MAP4K3: variants seen among roughly 807,000 people sequenced by gnomAD.
MAP4K3 encodes mitogen-activated protein kinase kinase kinase kinase 3.
Under a neutral mutation model 143.5 loss-of-function variants are expected in MAP4K3, and 94 were observed. The observed-to-expected ratio is 0.65, with a 90% CI of 0.55 to 0.78. The LOEUF is 0.78. Ranked by LOEUF, MAP4K3 falls within the 30% of genes least tolerant of loss-of-function variation. MAP4K3 has a pLI of 0.00. For missense variants in MAP4K3, 1,077 were observed against 1,068.1 expected (o/e 1.01, Z -0.12); for synonymous variants, 416 against 347.2 (o/e 1.20, Z -2.20).
chr2:39,276,843 G>C (rs1681274832), intron 24 of MAP4K3, among the ~76,000 whole-genome samples: 1 of 152,218 alleles, frequency 6.6e-6, no homozygotes, highest in African/African-American at 2.4e-5. Flanking sequence ...TACTGGGGGA[G>C]AGGAGGAGAG....
At chr2:39,337,384 C>A in intron 5 of MAP4K3, 142 bp downstream of exon 5, 1 of 538,940 alleles carries the variant, frequency 1.9e-6, no homozygotes, top group South Asian at 3.4e-5. Context: ...GTTCATTACA[C>A]AATTTTCAAA....
chr2:39,298,521 G>A (rs1015965791), intron 16 of MAP4K3, among the ~76,000 whole-genome samples: 11 of 151,888 alleles, frequency 7.2e-5, no homozygotes, highest in Admixed American at 7.2e-4. Context: ...TAAACATTTG[G>A]TATTTAGTTT....
chr2:39,374,100 G>A (rs1208058858), intron 2 of MAP4K3, among the ~76,000 whole-genome samples: 3 of 152,260 alleles, frequency 2.0e-5, no homozygotes, highest in East Asian at 3.9e-4. Flanking sequence ...ATGTACCCAC[G>A]AAAATTAAAA....
intron 28 of MAP4K3, 74 bp downstream of exon 28, chr2:39,265,129 A>G: frequency 9.7e-7 from 1 of 1,033,934 alleles, no homozygotes; most frequent in Non-Finnish European, 1.5e-6. Context: ...AACTGAAAAA[A>G]ATGTTTCTTT....
intron 26 of MAP4K3, chr2:39,272,033 A>T (rs955995711): frequency 4.4e-5 from 14 of 317,452 alleles, no homozygotes; most frequent in Middle Eastern, 9.4e-4. Context: ...CAAGAAAAAA[A>T]CTAGTTTTAA....
chr2:39,272,859 T>C (rs1681088496), intron 24 of MAP4K3, among the ~76,000 whole-genome samples: 2 of 152,148 alleles, frequency 1.3e-5, no homozygotes, highest in South Asian at 4.1e-4. Context: ...ATCTATTCCT[T>C]TATTTTGGTT....
chr2:39,311,319 T>A (rs1682929448), intron 13 of MAP4K3, among the ~76,000 whole-genome samples: 1 of 152,140 alleles, frequency 6.6e-6, no homozygotes, highest in African/African-American at 2.4e-5. Flanking sequence ...CCTCAGGTGA[T>A]CCGCCCGCCT....
chr2:39,301,191 T>A (rs1682498092), intron 15 of MAP4K3, among the ~76,000 whole-genome samples: 1 of 152,214 alleles, frequency 6.6e-6, no homozygotes, highest in South Asian at 2.1e-4. Flanking sequence ...TCAAATTTTG[T>A]CTTCTTCAAT....
intron 24 of MAP4K3, among the ~76,000 whole-genome samples, chr2:39,273,485 A>C (rs1681120736): frequency 6.6e-6 from 1 of 152,180 alleles, no homozygotes; most frequent in Admixed American, 6.5e-5. Flanking sequence ...AATTCCTACA[A>C]CTAAGTTACT....
chr2:39,399,633 G>A (rs547582999), intron 1 of MAP4K3, among the ~76,000 whole-genome samples: 1 of 152,288 alleles, frequency 6.6e-6, no homozygotes, highest in Admixed American at 6.5e-5. Flanking sequence ...GATTTGAGGC[G>A]ATATTTTAGT....
chr2:39,420,252 C>T (rs542831194), intron 1 of MAP4K3, among the ~76,000 whole-genome samples: 2 of 152,342 alleles, frequency 1.3e-5, no homozygotes, highest in South Asian at 4.1e-4. Flanking sequence ...CTTATTTCAA[C>T]TGGGAAATAT....
intron 16 of MAP4K3, among the ~76,000 whole-genome samples, chr2:39,296,892 G>C (rs1275274784): frequency 6.6e-6 from 1 of 152,090 alleles, no homozygotes; most frequent in African/African-American, 2.4e-5. Context: ...CACCCTATGA[G>C]GCAGGTACTA....
intron 12 of MAP4K3, among the ~76,000 whole-genome samples, chr2:39,322,701 G>A (rs1161314720): frequency 2.1e-5 from 3 of 142,944 alleles, no homozygotes; most frequent in South Asian, 4.4e-4. Context: ...ATGGAGTCTC[G>A]CTCTGTTGCC....
At chr2:39,259,788 G>T (rs1174593877) in intron 29 of MAP4K3, among the ~76,000 whole-genome samples, 1 of 152,118 alleles carries the variant, frequency 6.6e-6, no homozygotes, top group Non-Finnish European at 1.5e-5. Flanking sequence ...GAAAAAAAGT[G>T]CCTTAATTGG....
At chr2:39,372,572 T>C (rs1362600459) in intron 2 of MAP4K3, among the ~76,000 whole-genome samples, 1 of 149,760 alleles carries the variant, frequency 6.7e-6, no homozygotes, top group Non-Finnish European at 1.5e-5. Flanking sequence ...CAAAACAGCA[T>C]GCTGCTGGAA....
At position 39,311,347 on chromosome 2, in the gene MAP4K3, G is replaced by C. The variant is rs754339908; in HGVS notation, c.998-1828C>G. On this transcript the variant is annotated intron_variant, in intron 13 of 33. Transcript: ENST00000263881. ...GCCCGCCTCGGCCTCCTAAAGTGCT[G>C]GGATTACAGGCGTGAGCCACTGTGC... 5.9e-4 allele frequency among the ~76,000 whole-genome samples: 90 copies of C among 152,168 alleles called. 1 individual carries two copies. The highest frequency in any genetic ancestry group is 1.9e-3 in the Admixed American group (29 of 15,276).
intron 1 of MAP4K3, among the ~76,000 whole-genome samples, chr2:39,426,626 G>C (rs1665095968): frequency 6.6e-6 from 1 of 151,936 alleles, no homozygotes; most frequent in African/African-American, 2.4e-5. Flanking sequence ...TTAGCCATCG[G>C]TGAATCTTGG....
chr2:39,334,458 C>A (rs954440486), intron 6 of MAP4K3, among the ~76,000 whole-genome samples: 2 of 151,784 alleles, frequency 1.3e-5, no homozygotes, highest in African/African-American at 4.8e-5. Context: ...AAAAAAAAGG[C>A]TCCTAAACTC....
chr2:39,411,899 C>G (rs369301185), intron 1 of MAP4K3, among the ~76,000 whole-genome samples: 1 of 152,188 alleles, frequency 6.6e-6, no homozygotes, highest in Non-Finnish European at 1.5e-5. Context: ...CTTGACAACA[C>G]GCTTCATGGC....
Sources: allele counts gnomAD v4.1 joint callset (sites outside exome capture counted in the v4.1 genomes callset), GRCh38; gene constraint gnomAD v4.1.1; transcripts MANE v1.5; gene names NCBI Gene and HGNC (gene_info 2026-07-23, HGNC 2026-07-21).